The following ADGRL2 variants were observed in gnomAD, a reference collection of about 807,000 sequenced individuals.
The protein encoded by ADGRL2 is adhesion G protein-coupled receptor L2.
In ADGRL2, 44 loss-of-function variants were observed where a neutral mutation model predicts 157.4. That is an observed-to-expected ratio of 0.28 (90% confidence interval 0.22 to 0.36). ADGRL2 has a LOEUF of 0.36. ADGRL2 is among the 10% of genes least tolerant of loss of function. The probability of loss-of-function intolerance (pLI) is 1.00; values close to 1 mark genes in which losing one functional copy is unlikely to be tolerated. For synonymous variants in ADGRL2, 585 were observed against 624.7 expected, an observed-to-expected ratio of 0.94 and a Z score of 0.95; for missense variants, 1,510 against 1,768.9, an observed-to-expected ratio of 0.85 and a Z score of 2.63.
In ADGRL2 at chr1:81,985,243, T is replaced by C; in HGVS notation, c.3412-16T>C. On this transcript the variant is annotated splice_polypyrimidine_tract_variant and intron_variant, in intron 20 of 23. Transcript: ENST00000686636. ...AACTAACAAAACATATTTGTCTTGC[T>C]GTTTTGTATTAATAGAGTCGTATAA... 1 of 1,410,028 alleles carries C rather than the reference T, an allele frequency of 7.1e-7. No individual in the cohort carries two copies. The allele number at this position is 1,410,028 out of a possible 1,614,324, so 87.3% of individuals were successfully genotyped here.
intron 2 of ADGRL2, among the ~76,000 whole-genome samples, chr1:81,906,598 A>G (rs939812396): frequency 3.3e-5 from 5 of 152,114 alleles, no homozygotes; most frequent in Non-Finnish European, 7.3e-5. Flanking sequence ...ATTAATATGT[A>G]TACATTAAAT....
chr1:81,472,770 AT>A (rs1245510899), intron 2 of ADGRL2, among the ~76,000 whole-genome samples: 3 of 152,222 alleles, frequency 2.0e-5, no homozygotes, highest in Non-Finnish European at 4.4e-5. Flanking sequence ...CCATAATGAA[AT>A]TTTAGGATGA....
intron 1 of ADGRL2, among the ~76,000 whole-genome samples, chr1:81,717,233 G>A (rs1043777212): frequency 6.6e-6 from 1 of 152,164 alleles, no homozygotes; most frequent in Non-Finnish European, 1.5e-5. Context: ...ATTCTAGAGT[G>A]TAAAAGTCAT....
intron 2 of ADGRL2, among the ~76,000 whole-genome samples, chr1:81,795,321 A>G (rs1343659382): frequency 6.6e-6 from 1 of 152,170 alleles, no homozygotes. Flanking sequence ...TCAATGCTGC[A>G]GTGAGCCATG....
At chr1:81,370,903 C>G (rs1357611576) in intron 1 of ADGRL2, among the ~76,000 whole-genome samples, 5 of 152,016 alleles carry the variant, frequency 3.3e-5, no homozygotes, top group Non-Finnish European at 5.9e-5. Context: ...ACATATTAGG[C>G]CTTTCCTTTG....
chr1:81,819,400 C>T (rs2090753877), intron 1 of ADGRL2, among the ~76,000 whole-genome samples: 2 of 152,054 alleles, frequency 1.3e-5, no homozygotes, highest in Non-Finnish European at 2.9e-5. Context: ...CTTTGAGATG[C>T]ATGTGTTAAA....
chr1:81,501,682 G>GCC, intron 2 of ADGRL2: 1 of 1,559,022 alleles, frequency 6.4e-7, no homozygotes, highest in East Asian at 2.3e-5. Flanking sequence ...AACCCGGAGT[G>GCC]CCCCGCACAG....
rs1557599281 is a variant in ADGRL2 at position 81,326,949 on chromosome 1, T to C, written c.-302+20440T>C. Among the ~76,000 whole-genome samples, 4 of 152,312 alleles carry C rather than the reference T, an allele frequency of 2.6e-5. No individual in the cohort carries two copies. The South Asian group carries it at 8.3e-4, about 32-fold the overall frequency. On this transcript the variant is annotated intron_variant, in intron 1 of 24. Coordinates refer to the ADGRL2 transcript ENST00000370721. The stretch of plus-strand genomic sequence containing the variant: ...TCATCATTTGTGATTATTTTTCCAG[T>C]TCCTCTTTGCTTTAAAAACTACATC...
chr1:81,666,641 A>T (rs1190389541), intron 3 of ADGRL2, among the ~76,000 whole-genome samples: 1 of 152,156 alleles, frequency 6.6e-6, no homozygotes, highest in East Asian at 1.9e-4. Context: ...GGCTCCTATG[A>T]TGGCCCATGA....
intron 1 of ADGRL2, among the ~76,000 whole-genome samples, chr1:81,713,831 C>T (rs2084017085): frequency 6.6e-6 from 1 of 152,144 alleles, no homozygotes; most frequent in African/African-American, 2.4e-5. Context: ...GCCATGCTGC[C>T]TTGATATTAG....
At chr1:81,502,664 C>T (rs2078879666) in intron 2 of ADGRL2, 11 of 1,613,566 alleles carry the variant, frequency 6.8e-6, no homozygotes, top group East Asian at 2.2e-5. Flanking sequence ...CAGCTCAGGA[C>T]GCAGTACATG....
intron 3 of ADGRL2, among the ~76,000 whole-genome samples, chr1:81,665,018 G>C (rs1408416322): frequency 6.6e-6 from 1 of 152,064 alleles, no homozygotes; most frequent in Non-Finnish European, 1.5e-5. Context: ...AGTCAGAGAA[G>C]GGAGAAATGT....
chr1:81,376,724 G>A (rs2101022330), intron 1 of ADGRL2, among the ~76,000 whole-genome samples: 1 of 152,140 alleles, frequency 6.6e-6, no homozygotes, highest in South Asian at 2.1e-4. Context: ...ACTCATGCAT[G>A]ACAGAAGAAG....
At chr1:81,435,135 A>G (rs895704363) in intron 1 of ADGRL2, among the ~76,000 whole-genome samples, 1 of 152,244 alleles carries the variant, frequency 6.6e-6, no homozygotes, top group Non-Finnish European at 1.5e-5. Flanking sequence ...GTTTCCAAAC[A>G]CATTAAAAAA....
At chr1:81,741,297 T>C (rs745385459) in intron 1 of ADGRL2, among the ~76,000 whole-genome samples, 14 of 152,188 alleles carry the variant, frequency 9.2e-5, no homozygotes, top group Non-Finnish European at 1.8e-4. Context: ...CCTATGAATT[T>C]AGAGTCATCT....
rs144033381 is a variant in ADGRL2 at position 81,355,200 on chromosome 1, T to C, written c.-302+48691T>C. ...ACCCCAACTCTACTAAAAAAACACA[T>C]TAAAAAAAATTGGCTGGGCTTGGTG... On this transcript the variant is annotated intron_variant, in intron 1 of 24. Coordinates refer to the ADGRL2 transcript ENST00000370721. Among the ~76,000 whole-genome samples, 416 of 151,806 alleles carry C rather than the reference T, an allele frequency of 2.7e-3. 5 individuals carry two copies. The South Asian group carries it at 0.053, about 19-fold the overall frequency.
chr1:81,950,239 A>T lies in ADGRL2; in HGVS notation c.1261A>T (p.Ile421Leu). ...ITSSAELFKT[I>L]ISTTSTTSQK... is the part of the protein sequence containing the mutation. ...TTCTTCAGCTGAGCTGTTCAAAACC[A>T]TAATATCAACCACAAGCACTACTTC... Residue 421 changes from isoleucine (I) to leucine (L), a missense_variant, in exon 7 of 24, where the codon ATA (isoleucine) becomes TTA (leucine). Transcript: ENST00000686636. 1 of 1,614,086 alleles carries T rather than the reference A, an allele frequency of 6.2e-7. No homozygotes were observed. The highest frequency in any genetic ancestry group is 1.1e-5 in the South Asian group (1 of 91,078).
At chr1:81,826,955 T>A (rs895812283) in intron 1 of ADGRL2, among the ~76,000 whole-genome samples, 3 of 152,220 alleles carry the variant, frequency 2.0e-5, no homozygotes, top group African/African-American at 7.2e-5. Context: ...AATTGTAGGT[T>A]AAAAATGTTA....
intron 1 of ADGRL2, among the ~76,000 whole-genome samples, chr1:81,309,022 A>G (rs1659544168): frequency 6.6e-6 from 1 of 152,156 alleles, no homozygotes; most frequent in Admixed American, 6.6e-5. Context: ...TTTACTGAGT[A>G]CAGTTAAAAA....
Sources: gnomAD v4.1 joint callset for allele counts (sites outside exome capture counted in the v4.1 genomes callset) on GRCh38, gnomAD v4.1.1 for gene constraint, MANE v1.5 for transcripts, NCBI Gene and HGNC (gene_info 2026-07-23, HGNC 2026-07-21) for gene names.